PIN4: variants seen among roughly 807,000 people sequenced by gnomAD.
PIN4 encodes peptidylprolyl cis/trans isomerase, NIMA-interacting 4.
In PIN4, 3 loss-of-function variants were observed where a neutral mutation model predicts 8.3. The ratio of observed to expected loss-of-function variants is 0.36; its 90% CI spans 0.16 to 0.93. The LOEUF (loss-of-function observed/expected upper bound fraction) is 0.93, where lower values mean the gene tolerates loss of function less well. Among genes scored for constraint, PIN4 ranks in the 40% least tolerant of loss-of-function variants. The pLI is 0.44. For missense variants in PIN4, 75 were observed against 100.6 expected (o/e 0.75, Z 1.09); for synonymous variants, 18 against 32.5 (o/e 0.55, Z 1.52).
At chrX:72,190,969 G>T (rs2042729780) in intron 2 of PIN4, among the ~76,000 whole-genome samples, 1 of 98,876 alleles carries the variant, frequency 1.0e-5, no homozygotes. Context: ...AAAAAAAAAA[G>T]CTCCCCAGAA....
In PIN4 at chrX:72,198,048, A is replaced by T. The variant is rs774348069; in HGVS notation, c.*522A>T. The T allele has an allele frequency of 4.2e-3, 3,167 of 746,341 alleles. 12 individuals carry two copies. The highest frequency in any genetic ancestry group is 4.7e-3 in the Non-Finnish European group (2,980 of 633,013). 61.5% of individuals were successfully genotyped at this position (746,341 alleles called of 1,213,427 possible). On this transcript the variant is annotated 3_prime_UTR_variant, in exon 4 of 4. Coordinates refer to ENST00000373669, the MANE Select transcript of PIN4 (RefSeq NM_006223.4). Reference sequence around the variant, plus strand: ...GTGGCACGTTATGCCTTTCAGTGTTAACTCCTTTCTTTTTAAATAAATGTT... The same window carrying T: ...GTGGCACGTTATGCCTTTCAGTGTTTACTCCTTTCTTTTTAAATAAATGTT...
intron 3 of PIN4, among the ~76,000 whole-genome samples, chrX:72,210,243 A>G (rs1423947046): frequency 9.4e-6 from 1 of 106,753 alleles, no homozygotes; most frequent in Non-Finnish European, 1.9e-5. Flanking sequence ...ATAAATAAAT[A>G]AATGGAAAAA....
chrX:72,239,520 C>G (rs912400310), intron 3 of PIN4, among the ~76,000 whole-genome samples: 1 of 111,909 alleles, frequency 8.9e-6, no homozygotes, highest in Non-Finnish European at 1.9e-5. Context: ...CCTGTAATCC[C>G]AGCACTTTGG....
At chrX:72,209,236 TCTC>T (rs1385910468) in intron 3 of PIN4, among the ~76,000 whole-genome samples, 5 of 111,127 alleles carry the variant, frequency 4.5e-5, no homozygotes, top group East Asian at 2.8e-4. Flanking sequence ...CTTTTTAATC[TCTC>T]CTCAAGTTTT....
intron 3 of PIN4, among the ~76,000 whole-genome samples, chrX:72,222,214 G>A (rs150415736): frequency 1.5e-3 from 169 of 112,124 alleles, no homozygotes; most frequent in Middle Eastern, 4.6e-3. Context: ...AAATCAAACG[G>A]CAGCTAGGAT....
At chrX:72,227,548 G>C (rs898488824) in intron 3 of PIN4, among the ~76,000 whole-genome samples, 2 of 111,260 alleles carry the variant, frequency 1.8e-5, no homozygotes, top group African/African-American at 6.5e-5. Flanking sequence ...CCACCTCAGG[G>C]TCAAACACCA....
In PIN4 at chrX:72,240,173, T is replaced by C. The variant is rs774748976; in HGVS notation, c.313-22534T>C. Among the ~76,000 whole-genome samples the C allele has an allele frequency of 4.6e-5, 5 of 108,988 alleles. No individual in the cohort carries two copies. In the South Asian group the frequency reaches 1.9e-3, roughly 42 times the overall value. 94.6% of individuals were successfully genotyped at this position (108,988 alleles called of 115,157 possible). Reference sequence around the variant, plus strand: ...TGGTATAATAAAAGGAAGACAAAAATAATTTAAAAAAAAAGAAGTAGTGCT... The same window carrying C: ...TGGTATAATAAAAGGAAGACAAAAACAATTTAAAAAAAAAGAAGTAGTGCT... On this transcript the variant is annotated intron_variant, in intron 3 of 3. Coordinates refer to the PIN4 transcript ENST00000423432.
chrX:72,186,242 C>A, intron 1 of PIN4: 3 of 415,131 alleles, frequency 7.2e-6, no homozygotes, highest in African/African-American at 2.6e-5. Flanking sequence ...AGCTTGTCAA[C>A]TATCATTAGT....
At chrX:72,192,036 C>G (rs1322702187) in intron 2 of PIN4, among the ~76,000 whole-genome samples, 1 of 110,933 alleles carries the variant, frequency 9.0e-6, no homozygotes, top group Non-Finnish European at 1.9e-5. Flanking sequence ...ACTGCAACCT[C>G]CATCTCCCAG....
intron 3 of PIN4, among the ~76,000 whole-genome samples, chrX:72,251,635 A>G (rs953483010): frequency 9.0e-6 from 1 of 111,655 alleles, no homozygotes; most frequent in African/African-American, 3.3e-5. Context: ...CCTGAGAGTA[A>G]GTCTTAACTG....
chrX:72,232,500 G>A lies in PIN4; in HGVS notation c.313-30207G>A, dbSNP rs144168836. 2.0e-3 allele frequency among the ~76,000 whole-genome samples: 213 copies of A among 106,623 alleles called. 2 individuals carry two copies. The highest frequency in any genetic ancestry group is 6.9e-3 in the African/African-American group (202 of 29,206). 92.6% of individuals were successfully genotyped at this position (106,623 alleles called of 115,157 possible). Reference sequence around the variant, plus strand: ...TCCAGCTAATGAATACACAAAGAACGGTGAAACTAGAAAATCACGACTTTG... The same window carrying A: ...TCCAGCTAATGAATACACAAAGAACAGTGAAACTAGAAAATCACGACTTTG... On this transcript the variant is annotated intron_variant, in intron 3 of 3. Transcript: ENST00000423432.
intron 2 of PIN4, among the ~76,000 whole-genome samples, chrX:72,195,000 A>G (rs1380192838): frequency 1.8e-5 from 2 of 111,922 alleles, no homozygotes; most frequent in Non-Finnish European, 3.8e-5. Flanking sequence ...TATGCCATAT[A>G]GCCTAGATAT....
chrX:72,199,879 A>G (rs1310029162), downstream of PIN4, among the ~76,000 whole-genome samples: 2 of 112,540 alleles, frequency 1.8e-5, no homozygotes, highest in African/African-American at 6.5e-5. Context: ...AAGAGTTGGT[A>G]AACGGGCCAG....
intron 3 of PIN4, among the ~76,000 whole-genome samples, chrX:72,259,215 CTTTT>C (rs3038606): frequency 1.7e-4 from 15 of 90,625 alleles, no homozygotes; most frequent in East Asian, 7.3e-4. Context: ...GAGTTTACTA[CTTTT>C]TTTTTTTTTT....
intron 1 of PIN4, 98 bp downstream of exon 1, chrX:72,181,926 G>T (rs774522379): frequency 1.8e-6 from 1 of 560,769 alleles, no homozygotes. Context: ...GACGCAGCAG[G>T]TAGCCAGTGG....
At chrX:72,198,842 G>A (rs1446414843), downstream of PIN4, 2 of 110,206 alleles carry the variant, frequency 1.8e-5, no homozygotes, top group Non-Finnish European at 1.9e-5. Flanking sequence ...CTTCAGCCTG[G>A]GCAACAGAGG....
At chrX:72,193,262 C>T (rs2042745492) in intron 2 of PIN4, among the ~76,000 whole-genome samples, 1 of 110,999 alleles carries the variant, frequency 9.0e-6, no homozygotes, top group African/African-American at 3.3e-5. Context: ...TTGTATCAGA[C>T]AATCACTTTG....
intron 3 of PIN4, among the ~76,000 whole-genome samples, chrX:72,252,446 C>A (rs1228154311): frequency 9.1e-6 from 1 of 109,796 alleles, no homozygotes. Flanking sequence ...TGCAGTTGTG[C>A]AATCTCAGCT....
chrX:72,238,856 G>A, intron 3 of PIN4: 1 of 1,193,592 alleles, frequency 8.4e-7, no homozygotes, highest in Non-Finnish European at 1.1e-6. Flanking sequence ...TAGGTAATGA[G>A]CAGCCTGCTC....
Sources: gnomAD v4.1 joint callset for allele counts (sites outside exome capture counted in the v4.1 genomes callset) on GRCh38, gnomAD v4.1.1 for gene constraint, MANE v1.5 for transcripts, NCBI Gene and HGNC (gene_info 2026-07-23, HGNC 2026-07-21) for gene names.